DNAI4: variants seen among roughly 807,000 people sequenced by gnomAD.
DNAI4 encodes WD repeat domain 78.
DNAI4 carries 85 observed loss-of-function variants against 105.8 expected under a neutral mutation model. The observed-to-expected ratio is 0.80, with a 90% CI of 0.67 to 0.96. DNAI4 has a LOEUF of 0.96. Among genes scored for constraint, DNAI4 ranks in the 40% least tolerant of loss-of-function variants. The pLI is 0.00. For missense variants in DNAI4, 1,014 were observed against 1,005.6 expected (o/e 1.01, Z -0.11); for synonymous variants, 352 against 331.5 (o/e 1.06, Z -0.67).
intron 16 of DNAI4, among the ~76,000 whole-genome samples, chr1:66,818,510 G>A (rs1457045845): frequency 6.6e-6 from 1 of 152,140 alleles, no homozygotes; most frequent in Non-Finnish European, 1.5e-5. Flanking sequence ...AAGAACTTAA[G>A]ATGAACTGTT....
rs202205218 is a variant in DNAI4 at position 66,827,811 on chromosome 1, C to A, written c.2112+1G>T. The A allele has an allele frequency of 3.1e-4, 479 of 1,535,422 alleles. No homozygotes were observed. Among genetic ancestry groups the A allele is most frequent in the Non-Finnish European group, 4.0e-4 (453 of 1,129,112 alleles). On this transcript the variant is annotated splice_donor_variant, in intron 14 of 16. Transcript: ENST00000371026. LOFTEE classifies it high-confidence loss of function. ...TTCCAACCTACTATAATTAAACTAA[C>A]CTTATGTCCTCTGTAGGTATCTAAG...
intron 8 of DNAI4, among the ~76,000 whole-genome samples, chr1:66,845,205 A>AG (rs1272590357): frequency 2.4e-4 from 8 of 32,942 alleles, no homozygotes; most frequent in Non-Finnish European, 4.6e-4. Context: ...AAAAAAAAAA[A>AG]AAAAGAAAAA....
At chr1:66,835,503 T>C (rs544653146) in intron 11 of DNAI4, 123 bp downstream of exon 11, 1 of 1,023,706 alleles carries the variant, frequency 9.8e-7, no homozygotes, top group Non-Finnish European at 1.4e-6. Context: ...TTATGAAATG[T>C]TTCAAAAATA....
chr1:66,837,491 A>G, intron 10 of DNAI4: 1 of 563,660 alleles, frequency 1.8e-6, no homozygotes, highest in Middle Eastern at 4.7e-4. Context: ...AGCATATAGT[A>G]CACATTCAAT....
chr1:66,905,765 A>G (rs1329994020), intron 1 of DNAI4, among the ~76,000 whole-genome samples: 2 of 152,174 alleles, frequency 1.3e-5, no homozygotes, highest in Non-Finnish European at 2.9e-5. Context: ...GGTTATTATG[A>G]GGATTAAATA....
Position 66,924,823 on chromosome 1 carries a change from G to C in DNAI4, c.9C>G (p.Pro3=), listed in dbSNP as rs1427089984. ...GGGCCGAGGCTCCGGAATGTTTGCC[G>C]GGCGTCATGGCGACGGTGGAGCCCT... MT[P]GKHSGASARA... Residue 3 remains proline (P), a synonymous_variant, in exon 1 of 17, where the codon CCC becomes CCG. Coordinates refer to ENST00000371026, the MANE Select transcript of DNAI4 (RefSeq NM_024763.5). 1.2e-5 allele frequency: 20 copies of C among 1,613,872 alleles called. No homozygotes were observed. The highest frequency in any genetic ancestry group is 2.2e-5 in the East Asian group (1 of 44,888).
chr1:66,867,813 T>C (rs947363751), intron 6 of DNAI4, among the ~76,000 whole-genome samples: 1 of 152,244 alleles, frequency 6.6e-6, no homozygotes, highest in South Asian at 2.1e-4. Flanking sequence ...GCTGTGTTAC[T>C]GCAATAGTTG....
At chr1:66,828,064 C>T in intron 13 of DNAI4, 154 bp from the exon 14 acceptor site, 1 of 439,030 alleles carries the variant, frequency 2.3e-6, no homozygotes, top group East Asian at 3.6e-5. Flanking sequence ...TTTCTTTTGT[C>T]ATGATTTTGT....
At chr1:66,832,776 A>G (rs1266020582) in intron 13 of DNAI4, among the ~76,000 whole-genome samples, 1 of 152,170 alleles carries the variant, frequency 6.6e-6, no homozygotes, top group Non-Finnish European at 1.5e-5. Flanking sequence ...CATCACATGT[A>G]CCCCATAAAT....
intron 6 of DNAI4, among the ~76,000 whole-genome samples, chr1:66,863,309 C>T (rs1394081145): frequency 6.6e-6 from 1 of 151,990 alleles, no homozygotes; most frequent in Non-Finnish European, 1.5e-5. Context: ...AATTTTTTTC[C>T]TTAAAAATCA....
Position 66,835,703 on chromosome 1 carries a change from T to C in DNAI4, c.1656A>G (p.Leu552=). The C allele has an allele frequency of 1.2e-6, 2 of 1,614,116 alleles. No homozygotes were observed. Among genetic ancestry groups the C allele is most frequent in the Non-Finnish European group, 1.7e-6 (2 of 1,179,960 alleles). The change falls in exon 11 of 17, where the codon TTA becomes TTG. Residue 552 remains leucine (L), a synonymous_variant. Transcript: ENST00000371026. ...TTGTGCCATTGTGATAGCCAACGGC[T>C]AAAAGGTTAGGTGCTCCAATTGAAA... ...VDFSIGAPNL[L]AVGYHNGTIA... is the part of the protein sequence containing the mutation.
At chr1:66,881,669 T>C (rs999465495) in intron 4 of DNAI4, among the ~76,000 whole-genome samples, 1 of 152,198 alleles carries the variant, frequency 6.6e-6, no homozygotes, top group Non-Finnish European at 1.5e-5. Flanking sequence ...GGGACTTGCC[T>C]TGTCTCAGAT....
chr1:66,891,347 C>T (rs1647628813), intron 3 of DNAI4, 81 bp from the exon 4 acceptor site: 2 of 927,882 alleles, frequency 2.2e-6, no homozygotes, highest in African/African-American at 3.4e-5. Context: ...AACATATTAT[C>T]AGATGGAGAA....
intron 8 of DNAI4, among the ~76,000 whole-genome samples, chr1:66,845,050 G>A (rs765130868): frequency 2.6e-5 from 4 of 151,814 alleles, no homozygotes; most frequent in East Asian, 1.9e-4. Flanking sequence ...AAAATTAGCC[G>A]GGTGTGGTGG....
chr1:66,910,829 C>T (rs574135306), intron 1 of DNAI4, among the ~76,000 whole-genome samples: 147 of 152,308 alleles, frequency 9.7e-4, no homozygotes, highest in Non-Finnish European at 1.8e-3. Flanking sequence ...TGTTGTATCC[C>T]TAATGCTTAC....
rs369394161 is a variant in DNAI4, at chr1:66,833,458, T to C, written c.2013+127A>G. The C allele has an allele frequency of 6.1e-4, 669 of 1,092,468 alleles. 10 individuals carry two copies. In the South Asian group the frequency reaches 0.011, roughly 18 times the overall value. The allele number at this position is 1,092,468 out of a possible 1,614,324, so 67.7% of individuals were successfully genotyped here. On this transcript the variant is annotated intron_variant, in intron 13 of 16. Coordinates refer to ENST00000371026, the MANE Select transcript of DNAI4 (RefSeq NM_024763.5). ...AGCCCAGGCAATCATTTATCTACTT[T>C]CTGTCTCTAATATATTAGGCACAGT... is the stretch of plus-strand genomic sequence containing the variant.
rs570717237 is a variant in DNAI4, at chr1:66,837,624, T to C, written c.1581+86A>G. Reference sequence around the variant, plus strand: ...TTGATTGATAAAATTTTCTAGACTTTATTTAATTATTACATGTAATTATAT... The same window carrying C: ...TTGATTGATAAAATTTTCTAGACTTCATTTAATTATTACATGTAATTATAT... On this transcript the variant is annotated intron_variant, in intron 10 of 16. Transcript: ENST00000371026. 2.8e-5 allele frequency: 38 copies of C among 1,366,168 alleles called. No individual in the cohort carries two copies. In the African/African-American group the frequency reaches 5.2e-4, roughly 19 times the overall value. 84.6% of individuals were successfully genotyped at this position (1,366,168 alleles called of 1,614,324 possible). A position where few individuals can be genotyped will look rare whatever the true frequency, so the allele number is the denominator to read the frequency against.
intron 16 of DNAI4, among the ~76,000 whole-genome samples, chr1:66,814,844 G>A (rs1645484529): frequency 6.6e-6 from 1 of 152,074 alleles, no homozygotes; most frequent in South Asian, 2.1e-4. Context: ...TTGACTTAGA[G>A]AGTAGAACTT....
chr1:66,907,464 G>A (rs576601294), intron 1 of DNAI4, among the ~76,000 whole-genome samples: 19 of 151,800 alleles, frequency 1.3e-4, no homozygotes, highest in South Asian at 2.1e-4. Context: ...TACAAAATCC[G>A]GTCCTCCCAT....
Sources: gnomAD v4.1 joint callset for allele counts (sites outside exome capture counted in the v4.1 genomes callset) on GRCh38, gnomAD v4.1.1 for gene constraint, MANE v1.5 for transcripts, NCBI Gene and HGNC (gene_info 2026-07-23, HGNC 2026-07-21) for gene names.